The following CACNA2D4 variants were observed in gnomAD, a reference collection of about 807,000 sequenced individuals.
The protein encoded by CACNA2D4 is voltage-dependent calcium channel subunit alpha-2/delta-4.
A neutral mutation model predicts 163.8 loss-of-function variants in CACNA2D4; 157 were observed. The ratio of observed to expected loss-of-function variants is 0.96; its 90% CI spans 0.84 to 1.09. The LOEUF (loss-of-function observed/expected upper bound fraction) is 1.09. Ranked by LOEUF, CACNA2D4 falls within the 50% of genes least tolerant of loss-of-function variation. The pLI, the probability that CACNA2D4 is intolerant of heterozygous loss-of-function variation, is 0.00. For missense variants in CACNA2D4, 1,410 were observed against 1,479.9 expected (o/e 0.95, Z 0.78); for synonymous variants, 598 against 586.9 (o/e 1.02, Z -0.27).
chr12:1,886,976 C>A, intron 7 of CACNA2D4, 33 bp downstream of exon 7: 1 of 1,522,232 alleles, frequency 6.6e-7, no homozygotes, highest in East Asian at 2.4e-5. Context: ...GATAAATACC[C>A]GGGCCGCAAA....
rs1027774449 is a variant in CACNA2D4 at position 1,833,588 on chromosome 12, C to A, written c.2551+7151G>T. ...CCCCCTCCAGATGCCTTTGTACTTA[C>A]AGGGCTGTGGTTGGGGCACCGATGG... On this transcript the variant is annotated intron_variant, in intron 26 of 37. Coordinates refer to ENST00000382722, the MANE Select transcript of CACNA2D4 (RefSeq NM_172364.5). This position sits in a 1 kb window ranked among gnomAD's most constrained non-coding sequence, Gnocchi z 4.2. Among the ~76,000 whole-genome samples the A allele has an allele frequency of 1.3e-5, 2 of 152,190 alleles. No homozygotes were observed. Among genetic ancestry groups the A allele is most frequent in the Admixed American group, 1.3e-4 (2 of 15,282 alleles).
At chr12:1,803,592 A>G (rs1863412376) in intron 29 of CACNA2D4, among the ~76,000 whole-genome samples, 1 of 152,264 alleles carries the variant, frequency 6.6e-6, no homozygotes, top group African/African-American at 2.4e-5. Flanking sequence ...AATGCATGGC[A>G]AATTGTAATC....
chr12:1,908,178 C>T (rs1866714486), intron 4 of CACNA2D4, 141 bp from the exon 5 acceptor site: 1 of 846,732 alleles, frequency 1.2e-6, no homozygotes. Flanking sequence ...CCCGCGGCGG[C>T]GCGCTGGGCA....
chr12:1,799,843 A>G lies in CACNA2D4; in HGVS notation c.2975-148T>C. On this transcript the variant is annotated intron_variant, in intron 33 of 37. Transcript: ENST00000382722. This position sits in a 1 kb window ranked among gnomAD's most constrained non-coding sequence, Gnocchi z 4.7. ...TCACACACAGAGCCAGGAGTGAGGG[A>G]TGTGATGAGAGAAGGCCACGCAGGG... is the stretch of plus-strand genomic sequence containing the variant. 7.8e-7 allele frequency: 1 copy of G among 1,280,186 alleles called. No individual in the cohort carries two copies. Among genetic ancestry groups the G allele is most frequent in the East Asian group, 2.5e-5 (1 of 39,594 alleles). The allele number at this position is 1,280,186 out of a possible 1,614,324, so 79.3% of individuals were successfully genotyped here.
At chr12:1,859,440 G>T (rs1865474772) in intron 19 of CACNA2D4, among the ~76,000 whole-genome samples, 1 of 152,206 alleles carries the variant, frequency 6.6e-6, no homozygotes, top group African/African-American at 2.4e-5. Flanking sequence ...TCAGGGCTGG[G>T]AACCAGGGCT....
chr12:1,819,779 G>A (rs1003349539), intron 26 of CACNA2D4, among the ~76,000 whole-genome samples: 6 of 152,208 alleles, frequency 3.9e-5, no homozygotes, highest in Admixed American at 3.9e-4. Context: ...TCACAGATAA[G>A]AGCAAGGAGC....
At chr12:1,845,333 G>C (rs1369037162) in intron 24 of CACNA2D4, among the ~76,000 whole-genome samples, 2 of 144,362 alleles carry the variant, frequency 1.4e-5, no homozygotes, top group Non-Finnish European at 3.1e-5. Context: ...GGGGGCGAGG[G>C]AAGGGTCAGG....
chr12:1,912,483 G>T (rs1866850220), intron 3 of CACNA2D4, among the ~76,000 whole-genome samples: 1 of 152,188 alleles, frequency 6.6e-6, no homozygotes, highest in South Asian at 2.1e-4. Flanking sequence ...AAGCACCTCT[G>T]CTGCCCGGGT....
Position 1,825,958 on chromosome 12 carries a change from C to G in CACNA2D4, c.2552-14235G>C, listed in dbSNP as rs937786349. On this transcript the variant is annotated intron_variant, in intron 26 of 37. Coordinates refer to ENST00000382722, the MANE Select transcript of CACNA2D4 (RefSeq NM_172364.5). The stretch of plus-strand genomic sequence containing the variant: ...GAGTAAGAGAGATTGTGCTGAAGGT[C>G]AGGGCTCGAGGGACAGAGAGCGTGC... Among the ~76,000 whole-genome samples the G allele has an allele frequency of 1.6e-4, 24 of 152,166 alleles. 1 individual carries two copies. Among genetic ancestry groups the G allele is most frequent in the African/African-American group, 4.8e-4 (20 of 41,432 alleles).
chr12:1,870,363 GCCTCC>G (rs1865743758), intron 18 of CACNA2D4, among the ~76,000 whole-genome samples: 1 of 152,038 alleles, frequency 6.6e-6, no homozygotes, highest in Non-Finnish European at 1.5e-5. Context: ...TTGGGGTCTA[GCCTCC>G]CTGTGGCTCG....
In CACNA2D4 at chr12:1,884,798, C is replaced by T. The variant is rs1866093869; in HGVS notation, c.1242G>A (p.Val414=). ...SDGAVEDYEP[V]FEKYNWPDCK... ...AGTCTGGCCAGTTATACTTCTCAAA[C>T]ACCGGCTCGTAGTCCTCCACGGCGC... The change falls in exon 11 of 38, where the codon GTG becomes GTA. Residue 414 remains valine, a synonymous_variant. Coordinates refer to ENST00000382722, the MANE Select transcript of CACNA2D4 (RefSeq NM_172364.5). The T allele has an allele frequency of 6.2e-7, 1 of 1,613,712 alleles. No homozygotes were observed. Among genetic ancestry groups the T allele is most frequent in the Non-Finnish European group, 8.5e-7 (1 of 1,179,784 alleles).
Position 1,875,768 on chromosome 12 carries a change from G to A in CACNA2D4, c.1720-431C>T, listed in dbSNP as rs1865869518. ...TTCCAAAGATACTTGTCACGCCTAAGACTTCACTGCTCCAACTGAGTTTGC... is the reference window on the plus strand; with the variant it reads ...TTCCAAAGATACTTGTCACGCCTAAAACTTCACTGCTCCAACTGAGTTTGC... On this transcript the variant is annotated intron_variant, in intron 16 of 37. Transcript: ENST00000382722. The surrounding 1 kb of genome is among the most constrained non-coding windows in gnomAD (Gnocchi z 4.0). Among the ~76,000 whole-genome samples, 1 of 152,202 alleles carries A rather than the reference G, an allele frequency of 6.6e-6. No homozygotes were observed. Among genetic ancestry groups the A allele is most frequent in the African/African-American group, 2.4e-5 (1 of 41,450 alleles).
At chr12:1,867,505 C>A (rs1256789367) in intron 18 of CACNA2D4, among the ~76,000 whole-genome samples, 1 of 152,082 alleles carries the variant, frequency 6.6e-6, no homozygotes, top group Non-Finnish European at 1.5e-5. Context: ...GTAAAGCTTT[C>A]GTTTCAGATA....
chr12:1,889,035 T>A (rs1031428802), intron 6 of CACNA2D4, among the ~76,000 whole-genome samples: 1 of 152,192 alleles, frequency 6.6e-6, no homozygotes, highest in African/African-American at 2.4e-5. Flanking sequence ...ACTGGTAGAT[T>A]TTCCCAACAT....
intron 25 of CACNA2D4, among the ~76,000 whole-genome samples, chr12:1,841,760 G>A (rs1865029497): frequency 6.6e-6 from 1 of 152,194 alleles, no homozygotes; most frequent in Non-Finnish European, 1.5e-5. Context: ...TGGCGATTAT[G>A]ACAACAGTGT....
chr12:1,908,320 A>G (rs1256685903), intron 4 of CACNA2D4, among the ~76,000 whole-genome samples: 1 of 152,184 alleles, frequency 6.6e-6, no homozygotes, highest in African/African-American at 2.4e-5. Flanking sequence ...GACACGGCCG[A>G]GGCAGAGTGG....
In CACNA2D4 at chr12:1,828,311, G is replaced by A. The variant is rs978483851; in HGVS notation, c.2551+12428C>T. 8.3e-5 allele frequency: 92 copies of A among 1,111,150 alleles called. No individual in the cohort carries two copies. The highest frequency in any genetic ancestry group is 1.1e-4 in the Non-Finnish European group (89 of 798,672). 68.8% of individuals were successfully genotyped at this position (1,111,150 alleles called of 1,614,324 possible). A position where few individuals can be genotyped will look rare whatever the true frequency, so the allele number is the denominator to read the frequency against. ...CATATGGGACCTTAGCCACACTCAG[G>A]CTGCAGGGAGGCCTACGCCAGATCT... On this transcript the variant is annotated intron_variant, in intron 26 of 37. Coordinates refer to ENST00000382722, the MANE Select transcript of CACNA2D4 (RefSeq NM_172364.5). The surrounding 1 kb of genome is among the most constrained non-coding windows in gnomAD (Gnocchi z 4.2).
chr12:1,918,577 G>A lies in CACNA2D4; in HGVS notation c.-104C>T, dbSNP rs1867058840. On this transcript the variant is annotated 5_prime_UTR_variant, in exon 1 of 38. Transcript: ENST00000382722. ...CAGCCTCTCAGTCCTGGGTGGGGAG[G>A]GCTTCTCTCTGCCCCACAGCTGCAG... The A allele has an allele frequency of 1.2e-6, 1 of 845,014 alleles. No homozygotes were observed. The highest frequency in any genetic ancestry group is 2.9e-5 in the Admixed American group (1 of 35,062). The allele number at this position is 845,014 out of a possible 1,614,324, so 52.3% of individuals were successfully genotyped here.
At chr12:1,812,652 T>A (rs1863749998) in intron 26 of CACNA2D4, among the ~76,000 whole-genome samples, 1 of 152,260 alleles carries the variant, frequency 6.6e-6, no homozygotes, top group Non-Finnish European at 1.5e-5. Context: ...TATTCTGACT[T>A]TCCAAGCTGA....
Sources: allele counts gnomAD v4.1 joint callset (sites outside exome capture counted in the v4.1 genomes callset), GRCh38; gene constraint gnomAD v4.1.1; non-coding constraint Gnocchi (gnomAD v3.1); transcripts MANE v1.5; gene names NCBI Gene and HGNC (gene_info 2026-07-23, HGNC 2026-07-21).